Variants in PRDM11 observed in about 807,000 individuals in gnomAD.
PRDM11 encodes the protein PR/SET domain 11.
In PRDM11, 20 loss-of-function variants were observed where a neutral mutation model predicts 97.8. The observed-to-expected ratio is 0.20, with a 90% CI of 0.14 to 0.30. PRDM11 has a LOEUF of 0.30. Ranked by LOEUF, PRDM11 falls within the 10% of genes least tolerant of loss-of-function variation. The pLI, the probability that PRDM11 is intolerant of heterozygous loss-of-function variation, is 1.00. For missense variants in PRDM11, 1,139 were observed against 1,555.2 expected (o/e 0.73, Z 4.50); for synonymous variants, 599 against 637.7 (o/e 0.94, Z 0.91).
intron 1 of PRDM11, among the ~76,000 whole-genome samples, chr11:45,157,782 C>T (rs1164098455): frequency 6.6e-6 from 1 of 152,210 alleles, no homozygotes; most frequent in African/African-American, 2.4e-5. Flanking sequence ...CTCTCTTGTC[C>T]ACACTGCCTG....
At chr11:45,145,434 C>T (rs554416904), upstream of PRDM11, among the ~76,000 whole-genome samples, 4 of 152,338 alleles carry the variant, frequency 2.6e-5, no homozygotes, top group Admixed American at 2.0e-4. Flanking sequence ...TGACCATGAA[C>T]GCCCATCTGC....
chr11:45,101,367 C>G lies in PRDM11; in HGVS notation c.96+5466C>G, dbSNP rs185160943. Among the ~76,000 whole-genome samples, 41 of 152,136 alleles carry G rather than the reference C, an allele frequency of 2.7e-4. No homozygotes were observed. In the East Asian group the frequency reaches 7.4e-3, roughly 27 times the overall value. On this transcript the variant is annotated intron_variant, in intron 1 of 6. Coordinates refer to the PRDM11 transcript ENST00000530656. ...GGTCAGGAGATCGAGACCATCCTGG[C>G]CAACATGGTGAAACCCTGTCTCTAC...
chr11:45,119,472 T>C (rs570207163), intron 1 of PRDM11, among the ~76,000 whole-genome samples: 89 of 151,472 alleles, frequency 5.9e-4, no homozygotes, highest in African/African-American at 1.6e-3. Context: ...CTATAAAAAA[T>C]ACAAAAAATT....
intron 6 of PRDM11, among the ~76,000 whole-genome samples, chr11:45,223,245 G>A (rs1165580153): frequency 1.3e-5 from 2 of 152,244 alleles, no homozygotes; most frequent in South Asian, 4.2e-4. Flanking sequence ...CCTGGAAGGT[G>A]GAGGCTGCGT....
intron 1 of PRDM11, among the ~76,000 whole-genome samples, chr11:45,177,860 C>T (rs953160627): frequency 2.6e-5 from 4 of 152,188 alleles, no homozygotes; most frequent in African/African-American, 7.2e-5. Context: ...CAACACCCCT[C>T]TTTCTCCATG....
intron 1 of PRDM11, among the ~76,000 whole-genome samples, chr11:45,154,224 T>C (rs1271513620): frequency 6.6e-6 from 1 of 152,018 alleles, no homozygotes; most frequent in Non-Finnish European, 1.5e-5. Context: ...GGCTTGGTGA[T>C]GTGTGCCTGT....
Position 45,204,741 on chromosome 11 carries a change from A to G in PRDM11, c.517A>G (p.Ile173Val), listed in dbSNP as rs774678332. The change falls in exon 5 of 8, where the codon ATA becomes GTA. Residue 173 changes from isoleucine to valine, a missense_variant. Transcript: ENST00000683152. ...GGACAAGAACAACCGCTATAAGTCC[A>G]TAGATGGCTCAGACGAGACCAAAGC... ...IVDKNNRYKSIDGSDETKANW... is the reference protein window; with the variant it reads ...IVDKNNRYKSVDGSDETKANW... The G allele has an allele frequency of 9.9e-6, 16 of 1,613,242 alleles. No homozygotes were observed. In the South Asian group the frequency reaches 1.3e-4, roughly 13 times the overall value.
Position 45,101,602 on chromosome 11 carries a change from C to T in PRDM11, c.96+5701C>T, listed in dbSNP as rs559616102. Among the ~76,000 whole-genome samples, 17 of 133,458 alleles carry T rather than the reference C, an allele frequency of 1.3e-4. No individual in the cohort carries two copies. The East Asian group carries it at 2.4e-3, about 19-fold the overall frequency. 87.6% of individuals were successfully genotyped at this position (133,458 alleles called of 152,430 possible). ...AAGAAGAAGAAGAAGAAGAAGAAGG[C>T]GTTCAGGGCTCAGAGCTAGAGGCTG... On this transcript the variant is annotated intron_variant, in intron 1 of 6. Coordinates refer to the PRDM11 transcript ENST00000530656.
At chr11:45,214,987 C>T (rs1273788589) in intron 5 of PRDM11, among the ~76,000 whole-genome samples, 1 of 152,240 alleles carries the variant, frequency 6.6e-6, no homozygotes, top group Non-Finnish European at 1.5e-5. Context: ...TTTCATTTCT[C>T]TGCTCAAAAG....
At chr11:45,202,904 C>G (rs1853379341) in intron 4 of PRDM11, among the ~76,000 whole-genome samples, 1 of 152,134 alleles carries the variant, frequency 6.6e-6, no homozygotes, top group African/African-American at 2.4e-5. Flanking sequence ...GCTCTAGGCT[C>G]ACCCTCAGGG....
intron 4 of PRDM11, among the ~76,000 whole-genome samples, chr11:45,183,785 A>G (rs904124634): frequency 5.3e-5 from 8 of 152,180 alleles, no homozygotes; most frequent in African/African-American, 1.9e-4. Flanking sequence ...GTAATAGAGA[A>G]AAGCATTCTA....
rs534447181 is a variant in PRDM11 at position 45,194,789 on chromosome 11, G to A, written c.487-9922G>A. On this transcript the variant is annotated intron_variant, in intron 4 of 7. Transcript: ENST00000683152. ...AATTTTTTGTATTTTTAGTAGAGAC[G>A]GGGTTTCACCGTTTTAGCCGGGATG... 3.8e-4 allele frequency among the ~76,000 whole-genome samples: 58 copies of A among 150,876 alleles called. No homozygotes were observed. The South Asian group carries it at 6.4e-3, about 17-fold the overall frequency.
chr11:45,143,986 C>T (rs894470959), upstream of PRDM11, among the ~76,000 whole-genome samples: 38 of 152,154 alleles, frequency 2.5e-4, no homozygotes, highest in African/African-American at 8.7e-4. Flanking sequence ...ACTGCTTGTC[C>T]GTGGTGATCA....
In PRDM11 at chr11:45,226,323, C is replaced by T. The variant is rs1265846632; in HGVS notation, c.1698C>T (p.His566=). ...TIKLHSQSNL[H]KKCLQLYKLR... ...AACTTCACAGCCAGAGCAACCTGCA[C>T]AAGAAGTGCCTGCAACTGTACAAGC... is the stretch of plus-strand genomic sequence containing the variant. The change falls in exon 8 of 8, where the codon CAC becomes CAT. Residue 566 remains histidine, a synonymous_variant. Transcript: ENST00000683152. 3 of 1,533,858 alleles carry T rather than the reference C, an allele frequency of 2.0e-6. No individual in the cohort carries two copies. Among genetic ancestry groups the T allele is most frequent in the South Asian group, 1.2e-5 (1 of 83,974 alleles).
intron 1 of PRDM11, among the ~76,000 whole-genome samples, chr11:45,137,304 AC>A (rs1272348035): frequency 6.6e-6 from 1 of 151,208 alleles, no homozygotes; most frequent in East Asian, 1.9e-4. Flanking sequence ...TTGGTGGCAC[AC>A]GCCTGTAACC....
At chr11:45,096,236 C>T (rs766360109) in intron 1 of PRDM11, among the ~76,000 whole-genome samples, 11 of 152,228 alleles carry the variant, frequency 7.2e-5, no homozygotes, top group Non-Finnish European at 1.6e-4. Flanking sequence ...CGGAACAGCA[C>T]CTGGCACATA....
At chr11:45,224,896 G>A (rs750073922) in intron 7 of PRDM11, 53 bp downstream of exon 7, 3 of 1,603,664 alleles carry the variant, frequency 1.9e-6, no homozygotes, top group South Asian at 1.1e-5. Flanking sequence ...GCAGTGGGCT[G>A]TGTGGAGGGT....
intron 4 of PRDM11, among the ~76,000 whole-genome samples, chr11:45,197,919 T>C: frequency 6.6e-6 from 1 of 152,208 alleles, no homozygotes; most frequent in East Asian, 1.9e-4. Flanking sequence ...ATACCTAATG[T>C]AAATGACGAG....
chr11:45,175,559 C>T (rs1852308532), intron 1 of PRDM11, among the ~76,000 whole-genome samples: 1 of 152,138 alleles, frequency 6.6e-6, no homozygotes, highest in African/African-American at 2.4e-5. Flanking sequence ...TAGCAATTTC[C>T]CCCATTTTGG....
Sources: gnomAD v4.1 joint callset for allele counts (sites outside exome capture counted in the v4.1 genomes callset) on GRCh38, gnomAD v4.1.1 for gene constraint, MANE v1.5 for transcripts, NCBI Gene and HGNC (gene_info 2026-07-23, HGNC 2026-07-21) for gene names.